The following TYR variants were observed in gnomAD, a reference collection of about 807,000 sequenced individuals.
TYR encodes the protein LB24-AB.
TYR carries 58 observed loss-of-function variants against 51.5 expected under a neutral mutation model. The ratio of observed to expected loss-of-function variants is 1.13; its 90% confidence interval spans 0.91 to 1.40. The LOEUF is 1.40. Among genes scored for constraint, TYR ranks in the 40% most tolerant of loss-of-function variants. The pLI is 0.00. For missense variants in TYR, 732 were observed against 647.4 expected (o/e 1.13, Z -1.42); for synonymous variants, 263 against 235.2 (o/e 1.12, Z -1.08).
At chr11:89,292,895 G>GCACGTATAT (rs1565426278) in intron 4 of TYR, among the ~76,000 whole-genome samples, 1 of 152,118 alleles carries the variant, frequency 6.6e-6, no homozygotes, top group Admixed American at 6.5e-5. Context: ...AGTCAGTATA[G>GCACGTATAT]CACAGGGATT....
chr11:89,236,821 A>T (rs750946662), intron 3 of TYR, among the ~76,000 whole-genome samples: 2 of 152,106 alleles, frequency 1.3e-5, no homozygotes, highest in Admixed American at 1.3e-4. Flanking sequence ...TTCTTGACCT[A>T]TCTAGTTTGT....
At chr11:89,210,053 C>A (rs1378474967) in intron 2 of TYR, among the ~76,000 whole-genome samples, 2 of 152,138 alleles carry the variant, frequency 1.3e-5, no homozygotes, top group African/African-American at 4.8e-5. Context: ...AACCAGAATG[C>A]CTCTTCTCCT....
chr11:89,292,039 C>A (rs990311539), intron 4 of TYR, among the ~76,000 whole-genome samples: 1 of 151,070 alleles, frequency 6.6e-6, no homozygotes, highest in Non-Finnish European at 1.5e-5. Context: ...GGAATTAAGA[C>A]TTTTTTTTTC....
intron 2 of TYR, among the ~76,000 whole-genome samples, chr11:89,217,920 C>T (rs1335383238): frequency 6.6e-6 from 1 of 152,100 alleles, no homozygotes; most frequent in African/African-American, 2.4e-5. Flanking sequence ...CATGGTATTT[C>T]CCAAAAATTT....
At chr11:89,273,462 C>CA (rs1036905344) in intron 3 of TYR, among the ~76,000 whole-genome samples, 1 of 151,822 alleles carries the variant, frequency 6.6e-6, no homozygotes, top group African/African-American at 2.4e-5. Context: ...TGGTTTGTGG[C>CA]AACCCAAAAC....
chr11:89,293,318 A>G (rs533307056), intron 4 of TYR, among the ~76,000 whole-genome samples: 3 of 143,784 alleles, frequency 2.1e-5, no homozygotes, highest in South Asian at 2.2e-4. Context: ...AAAGCCATTT[A>G]TGTACACATT....
intron 3 of TYR, among the ~76,000 whole-genome samples, chr11:89,260,503 A>T (rs1361653851): frequency 6.6e-6 from 1 of 152,124 alleles, no homozygotes; most frequent in Non-Finnish European, 1.5e-5. Context: ...ATTTCCCAAT[A>T]AATGAAAAAC....
rs527528318 is a variant in TYR at position 89,186,738 on chromosome 11, G to A, written c.820-4464G>A. ...GGACTGAATTGTGTCTCCCAAAAAT[G>A]TGTGTGTTGAATCCCTAATTTCCAG... On this transcript the variant is annotated intron_variant, in intron 1 of 4. Transcript: ENST00000263321. Among the ~76,000 whole-genome samples, 5 of 152,210 alleles carry A rather than the reference G, an allele frequency of 3.3e-5. No individual in the cohort carries two copies. In the South Asian group the frequency reaches 6.2e-4, roughly 19 times the overall value.
intron 2 of TYR, among the ~76,000 whole-genome samples, chr11:89,203,503 T>A (rs1191162426): frequency 6.6e-6 from 1 of 152,188 alleles, no homozygotes; most frequent in African/African-American, 2.4e-5. Flanking sequence ...CAACACAGAC[T>A]TCTACTTCTG....
At chr11:89,204,229 G>A (rs539074666) in intron 2 of TYR, among the ~76,000 whole-genome samples, 4 of 152,284 alleles carry the variant, frequency 2.6e-5, no homozygotes, top group East Asian at 1.9e-4. Context: ...AGTAGTTGAG[G>A]AGCAGTAATG....
chr11:89,202,967 T>A (rs1477155352), intron 2 of TYR, among the ~76,000 whole-genome samples: 1 of 152,300 alleles, frequency 6.6e-6, no homozygotes, highest in African/African-American at 2.4e-5. Flanking sequence ...AGTGGCCTGT[T>A]TTCAATTTGC....
rs1287652457 is a variant in TYR, at chr11:89,284,894, G to T, written c.1306G>T (p.Gly436Cys). 2 of 1,611,416 alleles carry T rather than the reference G, an allele frequency of 1.2e-6. No individual in the cohort carries two copies. Among genetic ancestry groups the T allele is most frequent in the South Asian group, 1.1e-5 (1 of 91,018 alleles). The change falls in exon 4 of 5, where the codon GGT becomes TGT. Residue 436 changes from glycine to cysteine, a missense_variant. By Grantham distance (159) the Gly-to-Cys change is radical (BLOSUM62 -3). Transcript: ENST00000263321. ...TCCTTTTATACCACTGTACAGAAAT[G>T]GTGATTTCTTTATTTCATCCAAAGA... ...MVPFIPLYRNGDFFISSKDLG... is the reference protein window; with the variant it reads ...MVPFIPLYRNCDFFISSKDLG...
At chr11:89,222,556 T>G (rs1943925607) in intron 2 of TYR, among the ~76,000 whole-genome samples, 1 of 152,054 alleles carries the variant, frequency 6.6e-6, no homozygotes. Flanking sequence ...GTGGCCAACA[T>G]GGGGAATCCC....
At chr11:89,265,734 T>A (rs183810276) in intron 3 of TYR, among the ~76,000 whole-genome samples, 1 of 152,172 alleles carries the variant, frequency 6.6e-6, no homozygotes, top group East Asian at 1.9e-4. Context: ...GTTATCTCCC[T>A]TTCCATAGTG....
At chr11:89,293,450 C>T (rs899347050) in intron 4 of TYR, among the ~76,000 whole-genome samples, 16 of 151,940 alleles carry the variant, frequency 1.1e-4, no homozygotes, top group Admixed American at 1.1e-3. Flanking sequence ...TTTAGAAATG[C>T]TGTTCTCTAA....
At chr11:89,209,255 T>C (rs1943717851) in intron 2 of TYR, among the ~76,000 whole-genome samples, 1 of 152,208 alleles carries the variant, frequency 6.6e-6, no homozygotes, top group Non-Finnish European at 1.5e-5. Context: ...GTTTTTCCCA[T>C]GCTCTTTGCA....
intron 1 of TYR, among the ~76,000 whole-genome samples, chr11:89,188,357 T>C (rs1024130107): frequency 1.3e-5 from 2 of 152,012 alleles, no homozygotes; most frequent in Non-Finnish European, 2.9e-5. Context: ...ATTTTAAAAC[T>C]TCGGTTTGAA....
At chr11:89,194,164 T>C (rs546805666) in intron 2 of TYR, among the ~76,000 whole-genome samples, 1 of 152,328 alleles carries the variant, frequency 6.6e-6, no homozygotes, top group South Asian at 2.1e-4. Context: ...TAGTCTGAAA[T>C]ATTTCCATAA....
At chr11:89,260,250 C>CA (rs778745472) in intron 3 of TYR, among the ~76,000 whole-genome samples, 2,114 of 90,924 alleles carry the variant, frequency 0.023, 72 homozygotes, top group Admixed American at 0.12. Context: ...GAATAAAATG[C>CA]AAAAAAAAAA....
Sources: allele counts gnomAD v4.1 joint callset (sites outside exome capture counted in the v4.1 genomes callset), GRCh38; gene constraint gnomAD v4.1.1; transcripts MANE v1.5; gene names NCBI Gene and HGNC (gene_info 2026-07-23, HGNC 2026-07-21).